WWP1: variants seen among roughly 807,000 people sequenced by gnomAD.
The protein encoded by WWP1 is NEDD4-like E3 ubiquitin-protein ligase WWP1.
A neutral mutation model predicts 130.6 loss-of-function variants in WWP1; 49 were observed. The observed-to-expected ratio is 0.38, with a 90% CI of 0.30 to 0.48. WWP1 has a LOEUF of 0.48. Ranked by LOEUF, WWP1 falls within the 20% of genes least tolerant of loss-of-function variation. The pLI, the probability that WWP1 is intolerant of heterozygous loss-of-function variation, is 0.99. For synonymous variants in WWP1, 332 were observed against 367.8 expected, an observed-to-expected ratio of 0.90 and a Z score of 1.11; for missense variants, 809 against 1,100.6, an observed-to-expected ratio of 0.74 and a Z score of 3.75.
At chr8:86,383,376 G>T (rs1825092677) in intron 5 of WWP1, among the ~76,000 whole-genome samples, 1 of 152,160 alleles carries the variant, frequency 6.6e-6, no homozygotes, top group African/African-American at 2.4e-5. Flanking sequence ...CCACTTATCT[G>T]CCAAATGATC....
In WWP1 at chr8:86,352,538, AT is replaced by A. The variant is rs1028400703; in HGVS notation, c.-115+9613del. Among the ~76,000 whole-genome samples the A allele has an allele frequency of 2.0e-4, 30 of 151,198 alleles. No homozygotes were observed. In the East Asian group the frequency reaches 2.5e-3, roughly 13 times the overall value. On this transcript the variant is annotated intron_variant, in intron 1 of 24. Coordinates refer to ENST00000517970, the MANE Select transcript of WWP1 (RefSeq NM_007013.4). ...GCCACCGTGCCCTGCCTAATTTTTT[AT>A]TTTTCTTAGAGATGGGGGTCTTACC...
chr8:86,402,010 T>G lies in WWP1; in HGVS notation c.540-9T>G. ...TTAAATGATTGAAATAAGGCATTTT[T>G]TTTTCAAGGTTGGCTGTTGAAGGCA... On this transcript the variant is annotated splice_polypyrimidine_tract_variant and intron_variant, in intron 7 of 24. Transcript: ENST00000517970. 1.3e-6 allele frequency: 2 copies of G among 1,548,580 alleles called. No homozygotes were observed. The highest frequency in any genetic ancestry group is 1.2e-5 in the South Asian group (1 of 80,890).
intron 9 of WWP1, among the ~76,000 whole-genome samples, chr8:86,417,451 C>A (rs984239639): frequency 1.3e-5 from 2 of 152,122 alleles, no homozygotes; most frequent in African/African-American, 4.8e-5. Context: ...TAACCGAAAG[C>A]AGTTCTGAAT....
At chr8:86,354,151 A>G (rs569411109) in intron 1 of WWP1, among the ~76,000 whole-genome samples, 1 of 152,374 alleles carries the variant, frequency 6.6e-6, no homozygotes, top group South Asian at 2.1e-4. Flanking sequence ...ATGTAAACTG[A>G]GAATAATATA....
At chr8:86,466,541 T>C (rs558734439) in intron 24 of WWP1, among the ~76,000 whole-genome samples, 1 of 152,066 alleles carries the variant, frequency 6.6e-6, no homozygotes, top group African/African-American at 2.4e-5. Flanking sequence ...AAATGGATTT[T>C]TTTTTTTTTT....
chr8:86,459,308 T>C (rs1811634276), intron 22 of WWP1, among the ~76,000 whole-genome samples: 1 of 152,148 alleles, frequency 6.6e-6, no homozygotes, highest in Admixed American at 6.5e-5. Flanking sequence ...AGTGCTGGGA[T>C]TGCAGGTATG....
rs1361269095 is a variant in WWP1 at position 86,468,139 on chromosome 8, T to C, written c.*1246T>C. The C allele has an allele frequency of 5.3e-6, 1 of 188,234 alleles. No homozygotes were observed. Among genetic ancestry groups the C allele is most frequent in the Non-Finnish European group, 1.1e-5 (1 of 89,852 alleles). 11.7% of individuals were successfully genotyped at this position (188,234 alleles called of 1,614,324 possible). A position where few individuals can be genotyped will look rare whatever the true frequency, so the allele number is the denominator to read the frequency against. ...ATACAAAATTTTAAATTTCCATTTGTATCATGCTTTTAATATGCACTGTAA... is the reference window on the plus strand; with the variant it reads ...ATACAAAATTTTAAATTTCCATTTGCATCATGCTTTTAATATGCACTGTAA... On this transcript the variant is annotated 3_prime_UTR_variant, in exon 25 of 25. Transcript: ENST00000517970.
intron 5 of WWP1, among the ~76,000 whole-genome samples, chr8:86,387,946 A>G (rs968539128): frequency 1.3e-5 from 2 of 152,210 alleles, no homozygotes; most frequent in African/African-American, 2.4e-5. Context: ...TATATTCTGT[A>G]TCTCTGCTAT....
At position 86,438,567 on chromosome 8, in the gene WWP1, G is replaced by A. The variant is rs1484386840; in HGVS notation, c.1750-18G>A. On this transcript the variant is annotated intron_variant, in intron 16 of 24. Transcript: ENST00000517970. ...CTGCATGTGAGTATTTAATATTCAT[G>A]TTTTTGTTTTTAATTAGATTATGGC... 2 of 1,566,738 alleles carry A rather than the reference G, an allele frequency of 1.3e-6. No homozygotes were observed. The highest frequency in any genetic ancestry group is 2.8e-5 in the African/African-American group (2 of 72,618).
intron 18 of WWP1, among the ~76,000 whole-genome samples, chr8:86,447,683 A>G (rs1810960180): frequency 6.6e-6 from 1 of 152,096 alleles, no homozygotes; most frequent in Admixed American, 6.5e-5. Context: ...TAGTTCCCCA[A>G]AATTGGTGGG....
intron 17 of WWP1, among the ~76,000 whole-genome samples, chr8:86,441,236 C>G (rs375183533): frequency 1.3e-5 from 2 of 152,286 alleles, no homozygotes; most frequent in African/African-American, 4.8e-5. Context: ...AAGACCTGCT[C>G]CATCCTCTTA....
chr8:86,375,808 G>C lies in WWP1; in HGVS notation c.70+1688G>C, dbSNP rs186231442. ...CTAGAATGAGATTGCTGGGTCAAAGGGTAGACACATGTAATTTTGCCAGGT... is the reference window on the plus strand; with the variant it reads ...CTAGAATGAGATTGCTGGGTCAAAGCGTAGACACATGTAATTTTGCCAGGT... On this transcript the variant is annotated intron_variant, in intron 3 of 24. Coordinates refer to ENST00000517970, the MANE Select transcript of WWP1 (RefSeq NM_007013.4). Among the ~76,000 whole-genome samples the C allele has an allele frequency of 3.7e-4, 57 of 152,124 alleles. 1 individual carries two copies. The East Asian group carries it at 6.4e-3, about 17-fold the overall frequency.
At chr8:86,364,925 A>C (rs371738174) in intron 1 of WWP1, among the ~76,000 whole-genome samples, 8 of 152,302 alleles carry the variant, frequency 5.3e-5, no homozygotes, top group African/African-American at 1.9e-4. Flanking sequence ...AATACAATTG[A>C]GTAGAAACTC....
At chr8:86,439,238 G>C (rs1403492950) in intron 17 of WWP1, among the ~76,000 whole-genome samples, 1 of 152,008 alleles carries the variant, frequency 6.6e-6, no homozygotes, top group Non-Finnish European at 1.5e-5. Context: ...AGCTACTCGG[G>C]AGGGTAAGGC....
intron 2 of WWP1, among the ~76,000 whole-genome samples, chr8:86,371,574 C>T (rs1181048954): frequency 6.6e-6 from 1 of 152,152 alleles, no homozygotes; most frequent in Non-Finnish European, 1.5e-5. Flanking sequence ...TTGTATTTCT[C>T]TGATGGGCAG....
chr8:86,393,663 A>G (rs182929374), intron 5 of WWP1, among the ~76,000 whole-genome samples: 24 of 152,318 alleles, frequency 1.6e-4, no homozygotes, highest in African/African-American at 5.1e-4. Flanking sequence ...AAACTTTGCT[A>G]TTATTAAGAC....
chr8:86,404,652 A>T (rs981685368), intron 8 of WWP1, among the ~76,000 whole-genome samples: 1 of 152,258 alleles, frequency 6.6e-6, no homozygotes, highest in Non-Finnish European at 1.5e-5. Flanking sequence ...TAGTGATAAT[A>T]GCTCATATTT....
At chr8:86,372,924 C>T (rs1824411853) in intron 2 of WWP1, among the ~76,000 whole-genome samples, 1 of 152,048 alleles carries the variant, frequency 6.6e-6, no homozygotes, top group South Asian at 2.1e-4. Context: ...CTATTTTTCT[C>T]TTTCAGACTT....
At chr8:86,423,440 T>C (rs1037023136) in intron 9 of WWP1, among the ~76,000 whole-genome samples, 3 of 152,124 alleles carry the variant, frequency 2.0e-5, no homozygotes, top group Admixed American at 2.0e-4. Context: ...AGGAGTATGC[T>C]GCCTTCAAGC....
Sources: allele counts gnomAD v4.1 joint callset (sites outside exome capture counted in the v4.1 genomes callset), GRCh38; gene constraint gnomAD v4.1.1; transcripts MANE v1.5; gene names NCBI Gene and HGNC (gene_info 2026-07-23, HGNC 2026-07-21).